ZEB1: variants seen among roughly 807,000 people sequenced by gnomAD.
The protein encoded by ZEB1 is zinc finger E-box-binding homeobox 1.
A neutral mutation model predicts 84.9 loss-of-function variants in ZEB1; 21 were observed. The observed-to-expected ratio is 0.25, with a 90% CI of 0.18 to 0.36. ZEB1 has a LOEUF of 0.36. Ranked by LOEUF, ZEB1 falls within the 10% of genes least tolerant of loss-of-function variation. ZEB1 has a pLI of 1.00. For synonymous variants in ZEB1, 420 were observed against 471.1 expected (o/e 0.89, Z 1.41); for missense variants, 1,104 against 1,330.2 (o/e 0.83, Z 2.65).
intron 1 of ZEB1, among the ~76,000 whole-genome samples, chr10:31,460,090 G>C (rs1015929558): frequency 1.3e-5 from 2 of 151,912 alleles, no homozygotes; most frequent in African/African-American, 4.8e-5. Flanking sequence ...AGATATTCTA[G>C]TGACCATACC....
At chr10:31,516,145 TCAGTCTC>T (rs933480707) in intron 6 of ZEB1, among the ~76,000 whole-genome samples, 1 of 152,026 alleles carries the variant, frequency 6.6e-6, no homozygotes, top group Non-Finnish European at 1.5e-5. Context: ...TATTTAAAAA[TCAGTCTC>T]AATCAAGTAG....
At chr10:31,328,734 T>C (rs1217826656) in intron 1 of ZEB1, among the ~76,000 whole-genome samples, 1 of 152,126 alleles carries the variant, frequency 6.6e-6, no homozygotes, top group Non-Finnish European at 1.5e-5. Flanking sequence ...GAGAGAGACC[T>C]TACCATATCA....
At chr10:31,525,188 AGCTTTCAT>A (rs1273622304) in intron 8 of ZEB1, among the ~76,000 whole-genome samples, 2 of 152,208 alleles carry the variant, frequency 1.3e-5, no homozygotes, top group Admixed American at 1.3e-4. Context: ...TGTCTATGTC[AGCTTTCAT>A]GCTGTTCTAC....
At chr10:31,381,900 A>T (rs563983420) in intron 1 of ZEB1, 1 of 149,748 alleles carries the variant, frequency 6.7e-6, no homozygotes, top group South Asian at 2.1e-4. Flanking sequence ...AGTCTCAGCT[A>T]CTCGGGAGGC....
chr10:31,410,989 T>C (rs1384018243), intron 1 of ZEB1, among the ~76,000 whole-genome samples: 1 of 152,218 alleles, frequency 6.6e-6, no homozygotes, highest in Non-Finnish European at 1.5e-5. Context: ...CGTGTCTCTA[T>C]CTTTTTCAGT....
chr10:31,525,406 A>G (rs755226101), intron 8 of ZEB1, among the ~76,000 whole-genome samples: 55 of 152,182 alleles, frequency 3.6e-4, no homozygotes, highest in Non-Finnish European at 2.9e-4. Context: ...TTTGTGGCAT[A>G]AATACTCCCA....
chr10:31,332,197 A>T (rs777302589), intron 1 of ZEB1, among the ~76,000 whole-genome samples: 20 of 152,218 alleles, frequency 1.3e-4, no homozygotes, highest in Non-Finnish European at 2.4e-4. Flanking sequence ...ACCATAAATT[A>T]GTAGAAGACT....
At chr10:31,363,859 C>T in intron 1 of ZEB1, 1 of 1,318,012 alleles carries the variant, frequency 7.6e-7, no homozygotes, top group South Asian at 1.4e-5. Flanking sequence ...AAAAGAAGGC[C>T]CAAGATGTCG....
intron 2 of ZEB1, among the ~76,000 whole-genome samples, chr10:31,483,208 C>T (rs1398070183): frequency 6.6e-6 from 1 of 151,952 alleles, no homozygotes; most frequent in Non-Finnish European, 1.5e-5. Flanking sequence ...AAAAATAATA[C>T]TGAGTGTACC....
At chr10:31,525,376 A>G (rs964603782) in intron 8 of ZEB1, among the ~76,000 whole-genome samples, 3 of 152,132 alleles carry the variant, frequency 2.0e-5, no homozygotes, top group African/African-American at 7.2e-5. Context: ...GGAAGCCCTG[A>G]TTTGTAGTGT....
chr10:31,361,193 T>C (rs1306903672), intron 1 of ZEB1: 3 of 1,611,752 alleles, frequency 1.9e-6, no homozygotes, highest in Non-Finnish European at 2.5e-6. Flanking sequence ...CATCCTGCTC[T>C]CAACTACAAC....
At position 31,383,402 on chromosome 10, in the gene ZEB1, G is replaced by A. The variant is rs117098179; in HGVS notation, c.58+64110G>A. On this transcript the variant is annotated intron_variant, in intron 1 of 8. Coordinates refer to ENST00000424869, the MANE Select transcript of ZEB1 (RefSeq NM_001174096.2). ...GATAGTGTAGTTCCAGAAATAAAGA[G>A]AAATGTTTGGTATAAGTGAAAATAA... Among the ~76,000 whole-genome samples, 1,506 of 152,200 alleles carry A rather than the reference G, an allele frequency of 9.9e-3. 23 individuals are homozygous for A. The highest frequency in any genetic ancestry group is 0.014 in the Non-Finnish European group (963 of 67,996).
At chr10:31,361,216 C>T (rs1231339967) in intron 1 of ZEB1, 41 of 1,610,916 alleles carry the variant, frequency 2.5e-5, no homozygotes, top group East Asian at 6.7e-5. Flanking sequence ...CGTTTCAGGA[C>T]GCAGTCTTGC....
At position 31,521,105 on chromosome 10, in the gene ZEB1, G is replaced by A; in HGVS notation, c.1773G>A (p.Lys591=). The A allele has an allele frequency of 6.2e-7, 1 of 1,614,060 alleles. No homozygotes were observed. The highest frequency in any genetic ancestry group is 1.3e-5 in the African/African-American group (1 of 75,018). The change falls in exon 7 of 9, where the codon AAG becomes AAA. Residue 591 remains lysine (K), a synonymous_variant. Coordinates refer to ENST00000424869, the MANE Select transcript of ZEB1 (RefSeq NM_001174096.2). ...TGTCTCCTAGTCAGCCACCTTTAAAGAACCTCTTGTCTCTCCTAAAAGCAT... is the reference window on the plus strand; with the variant it reads ...TGTCTCCTAGTCAGCCACCTTTAAAAAACCTCTTGTCTCTCCTAAAAGCAT... ...GNLSPSQPPL[K]NLLSLLKAYY... is the part of the protein sequence containing the mutation.
chr10:31,520,860 C>A lies in ZEB1; in HGVS notation c.1528C>A (p.Pro510Thr). ...ATNSCKSEKLPEDLTVKSEKD... is the reference protein window; with the variant it reads ...ATNSCKSEKLTEDLTVKSEKD... ...AAACAGTTGTAAAAGTGAAAAGTTA[C>A]CAGAAGATCTTACTGTTAAGTCTGA... Residue 510 changes from proline to threonine, a missense_variant, in exon 7 of 9, where the codon CCA becomes ACA. Pro to Thr is a conservative substitution (Grantham distance 38). This residue lies in a region of ZEB1 where 531 missense variants were observed against 575.2 expected (regional missense o/e 0.92). Coordinates refer to ENST00000424869, the MANE Select transcript of ZEB1 (RefSeq NM_001174096.2). This position sits in a 1 kb window ranked among gnomAD's most constrained non-coding sequence, Gnocchi z 5.1. 1.2e-6 allele frequency: 2 copies of A among 1,614,042 alleles called. No homozygotes were observed. The highest frequency in any genetic ancestry group is 1.7e-6 in the Non-Finnish European group (2 of 1,179,988).
chr10:31,478,769 T>C (rs529191159), intron 2 of ZEB1, among the ~76,000 whole-genome samples: 4 of 152,078 alleles, frequency 2.6e-5, no homozygotes, highest in African/African-American at 9.6e-5. Flanking sequence ...GAAAAGCGAA[T>C]ACTGCACATT....
At chr10:31,409,534 C>T (rs1450047832) in intron 1 of ZEB1, among the ~76,000 whole-genome samples, 1 of 152,034 alleles carries the variant, frequency 6.6e-6, no homozygotes, top group African/African-American at 2.4e-5. Context: ...GTGGTTTTTT[C>T]TAATTCTGTG....
At chr10:31,332,317 T>C (rs1333860447) in intron 1 of ZEB1, among the ~76,000 whole-genome samples, 1 of 152,176 alleles carries the variant, frequency 6.6e-6, no homozygotes, top group Non-Finnish European at 1.5e-5. Flanking sequence ...TGTATATTTT[T>C]TTTTCCTTTT....
chr10:31,357,324 C>T (rs562864568), intron 1 of ZEB1, among the ~76,000 whole-genome samples: 12 of 152,210 alleles, frequency 7.9e-5, no homozygotes, highest in African/African-American at 2.4e-4. Flanking sequence ...ATGCACAGGG[C>T]GTAGAGAACC....
Sources: allele counts gnomAD v4.1 joint callset (sites outside exome capture counted in the v4.1 genomes callset), GRCh38; gene constraint gnomAD v4.1.1; regional missense constraint gnomAD v4.1.1; non-coding constraint Gnocchi (gnomAD v3.1); transcripts MANE v1.5; gene names NCBI Gene and HGNC (gene_info 2026-07-23, HGNC 2026-07-21).